CSMD1: variants seen among roughly 807,000 people sequenced by gnomAD.
The protein encoded by CSMD1 is CUB and Sushi multiple domains 1, also known as CUB and sushi domain-containing protein 1.
In CSMD1, 213 loss-of-function variants were observed where a neutral mutation model predicts 417.5. The ratio of observed to expected loss-of-function variants is 0.51; its 90% CI spans 0.46 to 0.57. The LOEUF is 0.57. Ranked by LOEUF, CSMD1 falls within the 20% of genes least tolerant of loss-of-function variation. The pLI, the probability that CSMD1 is intolerant of heterozygous loss-of-function variation, is 0.00. For missense variants in CSMD1, 6,923 were observed against 4,529.7 expected (o/e 1.53, Z -15.17); for synonymous variants, 2,862 against 1,736.8 (o/e 1.65, Z -16.11).
chr8:3,867,481 C>T (rs565504944), intron 5 of CSMD1, among the ~76,000 whole-genome samples: 5 of 152,250 alleles, frequency 3.3e-5, no homozygotes, highest in South Asian at 4.1e-4. Context: ...TATATCTGAC[C>T]TGCTGAAGAG....
chr8:3,453,547 T>C (rs937627735), intron 12 of CSMD1, among the ~76,000 whole-genome samples: 2 of 152,228 alleles, frequency 1.3e-5, no homozygotes, highest in African/African-American at 4.8e-5. Flanking sequence ...ACATCTTTAT[T>C]TCTACCTTCA....
intron 10 of CSMD1, among the ~76,000 whole-genome samples, chr8:3,554,921 CCA>C (rs1563148712): frequency 6.6e-6 from 1 of 151,922 alleles, no homozygotes; most frequent in Non-Finnish European, 1.5e-5. Flanking sequence ...TGGCAAGCAG[CCA>C]CACAGGGCAA....
rs148371806 is a variant in CSMD1, at chr8:4,045,789, T to C, written c.416-13690A>G. Among the ~76,000 whole-genome samples the C allele has an allele frequency of 5.3e-4, 80 of 152,316 alleles. 1 individual carries two copies. The East Asian group carries it at 0.015, about 29-fold the overall frequency. ...CTAAATTACACACTTTAAAGCTATT[T>C]CCAGACATTGTGAGACATGGCTTCT... On this transcript the variant is annotated intron_variant, in intron 3 of 69. Transcript: ENST00000635120.
chr8:3,837,425 G>GTCACA (rs1802784718), intron 5 of CSMD1, among the ~76,000 whole-genome samples: 1 of 152,040 alleles, frequency 6.6e-6, no homozygotes, highest in African/African-American at 2.4e-5. Context: ...GACTGCCTAC[G>GTCACA]TCACATATGA....
chr8:4,052,363 T>G (rs1458214985), intron 3 of CSMD1, among the ~76,000 whole-genome samples: 1 of 152,226 alleles, frequency 6.6e-6, no homozygotes, highest in Non-Finnish European at 1.5e-5. Flanking sequence ...CTCACGTGTA[T>G]GCTATTTTCA....
chr8:3,910,742 C>T (rs1337403861), intron 5 of CSMD1, among the ~76,000 whole-genome samples: 5 of 152,136 alleles, frequency 3.3e-5, no homozygotes, highest in East Asian at 1.9e-4. Context: ...ACAACGAATT[C>T]GGTGCTTCTT....
At chr8:3,361,009 T>C (rs1279602747) in intron 20 of CSMD1, among the ~76,000 whole-genome samples, 1 of 152,216 alleles carries the variant, frequency 6.6e-6, no homozygotes, top group Non-Finnish European at 1.5e-5. Context: ...GGATACTTTC[T>C]GAATTATCTT....
chr8:3,551,632 T>A (rs1222120252), intron 10 of CSMD1, among the ~76,000 whole-genome samples: 3 of 150,238 alleles, frequency 2.0e-5, no homozygotes, highest in African/African-American at 7.3e-5. Context: ...TACATTATGT[T>A]CTTTCCGGTG....
chr8:4,792,960 T>C lies in CSMD1; in HGVS notation c.86-155402A>G, dbSNP rs114980269. 6.6e-3 allele frequency among the ~76,000 whole-genome samples: 858 copies of C among 130,146 alleles called. 11 individuals carry two copies. Among genetic ancestry groups the C allele is most frequent in the African/African-American group, 0.023 (832 of 36,632 alleles). 85.4% of individuals were successfully genotyped at this position (130,146 alleles called of 152,430 possible). On this transcript the variant is annotated intron_variant, in intron 1 of 69. Transcript: ENST00000635120. ...ATGCAAATTATATATGTATATGGAA[T>C]ATATGTGTATATATGTGTATGCAAT...
chr8:3,044,923 G>A (rs1811336395), intron 50 of CSMD1, among the ~76,000 whole-genome samples: 1 of 152,090 alleles, frequency 6.6e-6, no homozygotes, highest in Non-Finnish European at 1.5e-5. Context: ...ATACATACTT[G>A]GACATTTAAT....
intron 5 of CSMD1, among the ~76,000 whole-genome samples, chr8:3,782,118 G>C (rs1445014691): frequency 2.0e-5 from 3 of 152,040 alleles, no homozygotes; most frequent in Non-Finnish European, 4.4e-5. Context: ...AAGAATGTAG[G>C]GGTCATATAA....
chr8:4,796,610 G>C (rs909005004), intron 1 of CSMD1, among the ~76,000 whole-genome samples: 2 of 152,028 alleles, frequency 1.3e-5, no homozygotes, highest in African/African-American at 4.8e-5. Flanking sequence ...CAAGACCACT[G>C]ATTAGCAAAC....
At chr8:3,362,115 C>T (rs972863744) in intron 20 of CSMD1, among the ~76,000 whole-genome samples, 5 of 152,042 alleles carry the variant, frequency 3.3e-5, no homozygotes, top group African/African-American at 7.2e-5. Flanking sequence ...TAAAAATATG[C>T]GTTACACGGT....
intron 7 of CSMD1, among the ~76,000 whole-genome samples, chr8:3,668,811 T>A (rs536681632): frequency 1.4e-3 from 209 of 152,276 alleles, no homozygotes; most frequent in African/African-American, 4.7e-3. Flanking sequence ...CTTAGACAAT[T>A]TGCTGTTAAG....
intron 1 of CSMD1, among the ~76,000 whole-genome samples, chr8:4,894,710 G>GTT (rs1350498345): frequency 2.6e-5 from 4 of 151,858 alleles, no homozygotes; most frequent in Admixed American, 2.0e-4. Context: ...GTGTGTGTGT[G>GTT]TGTGTGTGTG....
At chr8:3,172,437 G>C (rs190207048) in intron 37 of CSMD1, among the ~76,000 whole-genome samples, 1 of 152,180 alleles carries the variant, frequency 6.6e-6, no homozygotes, top group East Asian at 1.9e-4. Flanking sequence ...CCGCCAATTT[G>C]CTTCAAGGTG....
intron 7 of CSMD1, among the ~76,000 whole-genome samples, chr8:3,655,575 C>T (rs1410776951): frequency 6.6e-6 from 1 of 152,122 alleles, no homozygotes; most frequent in Non-Finnish European, 1.5e-5. Context: ...GAGAGAACCC[C>T]CACTGATGAA....
chr8:4,133,604 T>C (rs984911407), intron 3 of CSMD1, among the ~76,000 whole-genome samples: 1 of 152,230 alleles, frequency 6.6e-6, no homozygotes, highest in African/African-American at 2.4e-5. Flanking sequence ...AACACATCTT[T>C]CATGCTAAGC....
chr8:4,040,489 G>A (rs1360191206), intron 3 of CSMD1, among the ~76,000 whole-genome samples: 1 of 152,164 alleles, frequency 6.6e-6, no homozygotes, highest in Non-Finnish European at 1.5e-5. Context: ...TTGCAAGCAT[G>A]ACAAAAACTC....
Sources: allele counts gnomAD v4.1 joint callset (sites outside exome capture counted in the v4.1 genomes callset), GRCh38; gene constraint gnomAD v4.1.1; transcripts MANE v1.5; gene names NCBI Gene and HGNC (gene_info 2026-07-23, HGNC 2026-07-21).